The following PARD3 variants were observed in gnomAD, a reference collection of about 807,000 sequenced individuals.
The protein encoded by PARD3 is partitioning defective 3 homolog.
PARD3 carries 75 observed loss-of-function variants against 155.4 expected under a neutral mutation model. The observed-to-expected ratio is 0.48, with a 90% CI of 0.40 to 0.58. PARD3 has a LOEUF of 0.58. PARD3 is among the 20% of genes least tolerant of loss of function. The pLI is 0.00. For synonymous variants in PARD3, 576 were observed against 610.5 expected (o/e 0.94, Z 0.83); for missense variants, 1,642 against 1,721.7 (o/e 0.95, Z 0.82).
At chr10:34,544,404 C>T (rs1222594748) in intron 2 of PARD3, among the ~76,000 whole-genome samples, 1 of 152,128 alleles carries the variant, frequency 6.6e-6, no homozygotes, top group African/African-American at 2.4e-5. Flanking sequence ...TCAAATTTAA[C>T]TGCTTGGGGC....
At chr10:34,780,319 G>C (rs1369732139) in intron 1 of PARD3, among the ~76,000 whole-genome samples, 1 of 152,230 alleles carries the variant, frequency 6.6e-6, no homozygotes, top group Non-Finnish European at 1.5e-5. Flanking sequence ...GTTTACGGCA[G>C]ATGTCTTGGA....
At chr10:34,485,025 C>T (rs962903098) in intron 3 of PARD3, among the ~76,000 whole-genome samples, 4 of 152,236 alleles carry the variant, frequency 2.6e-5, no homozygotes, top group Middle Eastern at 3.4e-3. Flanking sequence ...TAAAAGTATC[C>T]GAGACAAGTC....
At chr10:34,763,266 C>A (rs982374668) in intron 1 of PARD3, among the ~76,000 whole-genome samples, 3 of 152,340 alleles carry the variant, frequency 2.0e-5, no homozygotes, top group Non-Finnish European at 4.4e-5. Context: ...GAGCCTTGAG[C>A]TCATAAACAC....
intron 22 of PARD3, among the ~76,000 whole-genome samples, chr10:34,256,945 C>A (rs944515686): frequency 3.9e-5 from 6 of 152,088 alleles, no homozygotes; most frequent in African/African-American, 1.4e-4. Context: ...TATGTACACA[C>A]CTGTTTTAAT....
chr10:34,606,755 GT>G (rs2090491809), intron 2 of PARD3, among the ~76,000 whole-genome samples: 1 of 151,454 alleles, frequency 6.6e-6, no homozygotes, highest in South Asian at 2.1e-4. Flanking sequence ...AGATCACAAG[GT>G]CAAGAGATCG....
At chr10:34,736,662 A>G (rs2094920937) in intron 1 of PARD3, among the ~76,000 whole-genome samples, 1 of 147,904 alleles carries the variant, frequency 6.8e-6, no homozygotes, top group Non-Finnish European at 1.5e-5. Flanking sequence ...TAATTTATTT[A>G]TTTATTTATT....
chr10:34,381,043 A>G (rs569163163), intron 9 of PARD3, among the ~76,000 whole-genome samples: 2 of 152,262 alleles, frequency 1.3e-5, no homozygotes, highest in African/African-American at 2.4e-5. Context: ...CAAGCTGTCA[A>G]CTCCTGATCA....
At chr10:34,681,746 ATATATATATATATATATATATATTTTTT>A (rs1564500155) in intron 2 of PARD3, among the ~76,000 whole-genome samples, 9 of 14,890 alleles carry the variant, frequency 6.0e-4, no homozygotes, top group East Asian at 1.4e-3. Flanking sequence ...ATATATATAT[ATATATATATATATATATATATATTTTTT>A]TTTTTTTTTT....
At chr10:34,368,119 G>A (rs949975606) in intron 12 of PARD3, among the ~76,000 whole-genome samples, 9 of 152,110 alleles carry the variant, frequency 5.9e-5, no homozygotes, top group Admixed American at 3.9e-4. Context: ...GCTTGGTGGC[G>A]CATGCCTGTA....
intron 15 of PARD3, among the ~76,000 whole-genome samples, chr10:34,347,403 C>G (rs1434661029): frequency 6.6e-6 from 1 of 152,152 alleles, no homozygotes; most frequent in East Asian, 1.9e-4. Flanking sequence ...TGAATCCAAA[C>G]AAAGGATGCA....
chr10:34,610,138 A>G (rs2090772778), intron 2 of PARD3, among the ~76,000 whole-genome samples: 1 of 152,176 alleles, frequency 6.6e-6, no homozygotes, highest in Admixed American at 6.5e-5. Context: ...CACTATTTAA[A>G]GTGCATTCTA....
At chr10:34,634,264 T>G (rs2024493852) in intron 2 of PARD3, among the ~76,000 whole-genome samples, 1 of 152,212 alleles carries the variant, frequency 6.6e-6, no homozygotes, top group Non-Finnish European at 1.5e-5. Flanking sequence ...GAAGTCAATC[T>G]ACATTTGCTG....
chr10:34,666,783 A>ATC (rs2093483456), intron 2 of PARD3, among the ~76,000 whole-genome samples: 8 of 92,524 alleles, frequency 8.6e-5, no homozygotes, highest in African/African-American at 3.5e-4. Flanking sequence ...CCCCTAAAAA[A>ATC]AAAAAAAAAA....
rs780725925 is a variant in PARD3 at position 34,382,587 on chromosome 10, T to A, written c.1352A>T (p.Tyr451Phe). The change falls in exon 9 of 25, where the codon TAT becomes TTT. Residue 451 changes from tyrosine (Y) to phenylalanine (F), a missense_variant. Tyr to Phe is a conservative substitution (Grantham distance 22). Coordinates refer to ENST00000374788, the MANE Select transcript of PARD3 (RefSeq NM_001184785.2). ...NVFSTTVSSG[Y>F]NTKKIGKRLN... ...CCTCTTGCCTATTTTTTTGGTGTTATAACCACTGCTTACAGTCGTACTAAA... is the reference window on the plus strand; with the variant it reads ...CCTCTTGCCTATTTTTTTGGTGTTAAAACCACTGCTTACAGTCGTACTAAA... 2 of 1,613,762 alleles carry A rather than the reference T, an allele frequency of 1.2e-6. No individual in the cohort carries two copies. The highest frequency in any genetic ancestry group is 1.3e-5 in the African/African-American group (1 of 74,922).
At chr10:34,357,821 A>C (rs1393257286) in intron 14 of PARD3, among the ~76,000 whole-genome samples, 1 of 152,190 alleles carries the variant, frequency 6.6e-6, no homozygotes, top group African/African-American at 2.4e-5. Context: ...AAACAACAAA[A>C]TAATTCAGTG....
intron 15 of PARD3, chr10:34,343,735 A>C (rs1422796495): frequency 3.0e-6 from 3 of 984,444 alleles, no homozygotes; most frequent in Non-Finnish European, 1.2e-6. Flanking sequence ...TAAATGTGAA[A>C]CCTTCTATGA....
chr10:34,640,877 G>GA (rs1003323871), intron 2 of PARD3, among the ~76,000 whole-genome samples: 1 of 151,710 alleles, frequency 6.6e-6, no homozygotes, highest in South Asian at 2.1e-4. Flanking sequence ...TTTTATGGGG[G>GA]AAAAAAGGGA....
At chr10:34,790,367 C>G (rs1564622314) in intron 1 of PARD3, among the ~76,000 whole-genome samples, 1 of 152,150 alleles carries the variant, frequency 6.6e-6, no homozygotes, top group Non-Finnish European at 1.5e-5. Flanking sequence ...AAAAAATATG[C>G]TAAAATTATT....
intron 5 of PARD3, among the ~76,000 whole-genome samples, chr10:34,408,684 C>T (rs939172913): frequency 6.6e-6 from 1 of 151,710 alleles, no homozygotes; most frequent in Non-Finnish European, 1.5e-5. Context: ...AGGGGCTTCA[C>T]AATACAAAAT....
Sources: allele counts gnomAD v4.1 joint callset (sites outside exome capture counted in the v4.1 genomes callset), GRCh38; gene constraint gnomAD v4.1.1; transcripts MANE v1.5; gene names NCBI Gene and HGNC (gene_info 2026-07-23, HGNC 2026-07-21).